Variants in SYNPO2L observed in about 807,000 individuals in gnomAD.
SYNPO2L encodes the protein synaptopodin 2-like protein.
SYNPO2L carries 34 observed loss-of-function variants against 47.5 expected under a neutral mutation model. That is an observed-to-expected ratio of 0.72 (90% CI 0.54 to 0.95). SYNPO2L has a LOEUF of 0.95. Among genes scored for constraint, SYNPO2L ranks in the 40% least tolerant of loss-of-function variants. SYNPO2L has a pLI of 0.00. For missense variants in SYNPO2L, 1,246 were observed against 1,282.0 expected, an observed-to-expected ratio of 0.97 and a Z score of 0.43; for synonymous variants, 536 against 524.9, an observed-to-expected ratio of 1.02 and a Z score of -0.29.
Position 73,647,147 on chromosome 10 carries a change from C to G in SYNPO2L, c.2505G>C (p.Gly835=), listed in dbSNP as rs775151946. 1 of 1,614,012 alleles carries G rather than the reference C, an allele frequency of 6.2e-7. No homozygotes were observed. The highest frequency in any genetic ancestry group is 1.7e-5 in the Admixed American group (1 of 60,014). The change falls in exon 4 of 4, where the codon GGG becomes GGC. Residue 835 remains glycine, a synonymous_variant. Coordinates refer to ENST00000394810, the MANE Select transcript of SYNPO2L (RefSeq NM_001114133.3). ...TGCCCTGCTTGGGTGTTGCCCGAGG[C>G]CCCTGGGATTGGGCCTTAGGGAGAG... ...ARTLPKAQSQ[G]PRATPKQGIK... is the part of the protein sequence containing the mutation.
chr10:73,646,561 A>G lies in SYNPO2L; in HGVS notation c.*157T>C. ...GAAAGCGGCAGGGAGGTAGAGAGTG[A>G]GGAGGAAGGTGGGGGAAGGGGACAT... On this transcript the variant is annotated 3_prime_UTR_variant, in exon 4 of 4. Transcript: ENST00000394810. 7.7e-7 allele frequency: 1 copy of G among 1,290,520 alleles called. No homozygotes were observed. The highest frequency in any genetic ancestry group is 9.8e-7 in the Non-Finnish European group (1 of 1,018,198). The allele number at this position is 1,290,520 out of a possible 1,614,324, so 79.9% of individuals were successfully genotyped here.
Position 73,648,530 on chromosome 10 carries a change from A to C in SYNPO2L, c.1122T>G (p.Ser374=). ...AGSRASEGQG[S]GLGGQLSEVS... is the part of the protein sequence containing the mutation. ...CCTCACTCAGCTGCCCTCCCAGCCC[A>C]GAGCCCTGGCCCTCTGATGCTCTTG... The change falls in exon 4 of 4, where the codon TCT becomes TCG. Residue 374 remains serine, a synonymous_variant. Transcript: ENST00000394810. The C allele has an allele frequency of 6.2e-7, 1 of 1,614,132 alleles. No individual in the cohort carries two copies. The highest frequency in any genetic ancestry group is 1.1e-5 in the South Asian group (1 of 91,090).
intron 3 of SYNPO2L, chr10:73,649,947 T>C (rs2081826052): frequency 2.0e-6 from 2 of 985,264 alleles, no homozygotes; most frequent in Non-Finnish European, 2.4e-6. Context: ...GGTAGTGGGG[T>C]GGGCTTCTTC....
At chr10:73,655,745 C>A in intron 1 of SYNPO2L, 73 bp downstream of exon 1, 1 of 605,588 alleles carries the variant, frequency 1.7e-6, no homozygotes, top group Non-Finnish European at 2.8e-6. Flanking sequence ...CCGCCATATG[C>A]CACCACACAT....
At position 73,646,257 on chromosome 10, in the gene SYNPO2L, T is replaced by TG; in HGVS notation, c.*460dup. 3 of 970,560 alleles carry TG rather than the reference T, an allele frequency of 3.1e-6. No homozygotes were observed. Among genetic ancestry groups the TG allele is most frequent in the Non-Finnish European group, 1.2e-6 (1 of 827,384 alleles). 60.1% of individuals were successfully genotyped at this position (970,560 alleles called of 1,614,324 possible). A position where few individuals can be genotyped will look rare whatever the true frequency, so the allele number is the denominator to read the frequency against. On this transcript the variant is annotated 3_prime_UTR_variant, in exon 4 of 4. Coordinates refer to ENST00000394810, the MANE Select transcript of SYNPO2L (RefSeq NM_001114133.3). ...GCCAGTCAAGCTTGGGAAAGCAGAG[T>TG]GGGGGGTGGGGGTGGCTTAGTGCAA...
chr10:73,649,668 C>T, intron 3 of SYNPO2L: 1 of 958,242 alleles, frequency 1.0e-6, no homozygotes, highest in Non-Finnish European at 1.2e-6. Flanking sequence ...TACATTCACA[C>T]ACCTACATGC....
At chr10:73,651,943 C>T (rs1329429518) in intron 3 of SYNPO2L, among the ~76,000 whole-genome samples, 1 of 150,970 alleles carries the variant, frequency 6.6e-6, no homozygotes, top group East Asian at 2.0e-4. Flanking sequence ...GGTGTAGTGG[C>T]GGGCACCTGT....
chr10:73,648,375 T>A lies in SYNPO2L; in HGVS notation c.1277A>T (p.Gln426Leu), dbSNP rs767036687. 3.7e-6 allele frequency: 6 copies of A among 1,606,824 alleles called. No individual in the cohort carries two copies. In the South Asian group the frequency reaches 5.5e-5, roughly 15 times the overall value. Residue 426 changes from glutamine (Q) to leucine (L), a missense_variant, in exon 4 of 4, where the codon CAG becomes CTG. Physicochemically the swap from Gln to Leu is moderately radical, Grantham distance 113. Around this residue, in one of 3 missense-constraint regions of SYNPO2L, gnomAD observed 1,037 missense variants for 1,021.5 expected, o/e 1.02. Coordinates refer to ENST00000394810, the MANE Select transcript of SYNPO2L (RefSeq NM_001114133.3). ...GEGLQSPPRA[Q>L]SAPPEAAVLP... ...CACAGCTGCCTCTGGGGGAGCACTC[T>A]GGGCCCGAGGTGGTGACTGCAGGCC...
rs564825543 is a variant in SYNPO2L at position 73,648,870 on chromosome 10, C to G, written c.782G>C (p.Arg261Pro). The G allele has an allele frequency of 6.6e-7, 1 of 1,516,474 alleles. No homozygotes were observed. Among genetic ancestry groups the G allele is most frequent in the African/African-American group, 1.4e-5 (1 of 72,192 alleles). The allele number at this position is 1,516,474 out of a possible 1,614,324, so 93.9% of individuals were successfully genotyped here. A position where few individuals can be genotyped will look rare whatever the true frequency, so the allele number is the denominator to read the frequency against. Residue 261 changes from arginine to proline, a missense_variant, in exon 4 of 4, where the codon CGT becomes CCT. Transcript: ENST00000394810. ...GCTCTTCTCTTGGAGGCTCTCTGCACGTTGCAGTTCTGGGGAGGCCAAGAG... is the reference window on the plus strand; with the variant it reads ...GCTCTTCTCTTGGAGGCTCTCTGCAGGTTGCAGTTCTGGGGAGGCCAAGAG... ...TQKAKQAKLQRAESLQEKSIK... is the reference protein window; with the variant it reads ...TQKAKQAKLQPAESLQEKSIK...
rs746109200 is a variant in SYNPO2L, at chr10:73,647,633, T to C, written c.2019A>G (p.Glu673=). ...PRAGGAESGP[E]EDALSLGAEA... is the part of the protein sequence containing the mutation. ...CAGCCCCGAGGCTCAGAGCATCTTC[T>C]TCAGGACCAGATTCTGCACCCCCGG... is the stretch of plus-strand genomic sequence containing the variant. Residue 673 remains glutamate, a synonymous_variant, in exon 4 of 4, where the codon GAA becomes GAG. Transcript: ENST00000394810. 1 of 1,614,174 alleles carries C rather than the reference T, an allele frequency of 6.2e-7. No individual in the cohort carries two copies. The highest frequency in any genetic ancestry group is 1.3e-5 in the African/African-American group (1 of 75,054).
chr10:73,651,060 G>C, intron 3 of SYNPO2L: 1 of 1,556,476 alleles, frequency 6.4e-7, no homozygotes, highest in Non-Finnish European at 8.7e-7. Context: ...CACCCCCCAC[G>C]CCTTTTAAAG....
In SYNPO2L at chr10:73,648,132, G is replaced by C. The variant is rs773114857; in HGVS notation, c.1520C>G (p.Pro507Arg). The C allele has an allele frequency of 6.5e-7, 1 of 1,539,256 alleles. No homozygotes were observed. Among genetic ancestry groups the C allele is most frequent in the Non-Finnish European group, 8.7e-7 (1 of 1,144,504 alleles). The change falls in exon 4 of 4, where the codon CCC becomes CGC. Residue 507 changes from proline to arginine, a missense_variant. Pro to Arg is a moderately radical substitution (Grantham distance 103). Coordinates refer to ENST00000394810, the MANE Select transcript of SYNPO2L (RefSeq NM_001114133.3). ...DSLGGLSPAP[P>R]PFLSSQGPTP... is the part of the protein sequence containing the mutation. ...GGGCCCCTGCGAAGACAAGAAGGGG[G>C]GTGGGGCGGGGCTGAGGCCCCCCAG...
intron 1 of SYNPO2L, 94 bp from the exon 2 acceptor site, chr10:73,654,374 T>G (rs916253129): frequency 4.0e-5 from 59 of 1,484,860 alleles, no homozygotes; most frequent in Non-Finnish European, 5.2e-5. Context: ...GAGGGGATTT[T>G]ACTTTGCAGG....
At chr10:73,650,166 G>T in intron 3 of SYNPO2L, 1 of 985,404 alleles carries the variant, frequency 1.0e-6, no homozygotes, top group Non-Finnish European at 1.2e-6. Context: ...AGTTCCTCCT[G>T]AAAAATTATT....
rs564150171 is a variant in SYNPO2L, at chr10:73,655,939, T to C, written c.-17A>G. 98 of 1,545,816 alleles carry C rather than the reference T, an allele frequency of 6.3e-5. No homozygotes were observed. Among genetic ancestry groups the C allele is most frequent in the South Asian group, 2.3e-4 (19 of 83,608 alleles). On this transcript the variant is annotated 5_prime_UTR_variant, in exon 1 of 4. Coordinates refer to ENST00000394810, the MANE Select transcript of SYNPO2L (RefSeq NM_001114133.3). ...AGCACCCATCGCTCAGCTTGGCCTA[T>C]GGCCCCCGGAGTTTGAACAGTGTCC...
intron 3 of SYNPO2L, among the ~76,000 whole-genome samples, chr10:73,652,409 C>T (rs1162167525): frequency 6.6e-6 from 1 of 152,174 alleles, no homozygotes; most frequent in African/African-American, 2.4e-5. Flanking sequence ...TGGCTCACGC[C>T]TGTAATCCCA....
chr10:73,654,786 T>C (rs1397628631), intron 1 of SYNPO2L, among the ~76,000 whole-genome samples: 2 of 151,682 alleles, frequency 1.3e-5, no homozygotes, highest in African/African-American at 4.9e-5. Context: ...GAGGTTGCAG[T>C]GAGCCATCAT....
chr10:73,653,318 C>G lies in SYNPO2L; in HGVS notation c.593G>C (p.Arg198Pro). Residue 198 changes from arginine to proline, a missense_variant, in exon 3 of 4, where the codon CGT becomes CCT. Arg to Pro is a moderately radical substitution (Grantham distance 103, BLOSUM62 -2). Transcript: ENST00000394810. The stretch of plus-strand genomic sequence containing the variant: ...ATCCTCCCAAGACGGGGAGCTCACA[C>G]GGCTGTCACCCTGGCTGGGAGGGCC... ...IPGPPSQGDS[R>P]VSSPSWEDGA... is the part of the protein sequence containing the mutation. 1 of 1,551,584 alleles carries G rather than the reference C, an allele frequency of 6.4e-7. No individual in the cohort carries two copies. The highest frequency in any genetic ancestry group is 8.7e-7 in the Non-Finnish European group (1 of 1,146,968).
intron 1 of SYNPO2L, 122 bp from the exon 2 acceptor site, chr10:73,654,402 A>T (rs564950579): frequency 1.5e-6 from 2 of 1,305,918 alleles, no homozygotes; most frequent in Admixed American, 4.8e-5. Flanking sequence ...GGGTGGGGAG[A>T]TGCATGGAAG....
Sources: allele counts gnomAD v4.1 joint callset (sites outside exome capture counted in the v4.1 genomes callset), GRCh38; gene constraint gnomAD v4.1.1; regional missense constraint gnomAD v4.1.1; transcripts MANE v1.5; gene names NCBI Gene and HGNC (gene_info 2026-07-23, HGNC 2026-07-21).